The following CHLSN variants were observed in gnomAD, a reference collection of about 807,000 sequenced individuals.
CHLSN encodes cholesin.
chr7:979,436 G>C, the CHLSN span, among the ~76,000 whole-genome samples: 2 of 152,022 alleles, frequency 1.3e-5, no homozygotes, highest in Non-Finnish European at 2.9e-5. Flanking sequence ...GGCTAGGATC[G>C]TTGACCTTAT....
At chr7:1,109,450 C>A in the CHLSN span, 1 of 152,282 alleles carries the variant, frequency 6.6e-6, no homozygotes, top group Non-Finnish European at 1.5e-5. Context: ...GCCCCCCATT[C>A]CTGCGTGGTT....
chr7:1,059,499 C>G, the CHLSN span, among the ~76,000 whole-genome samples: 1 of 140,490 alleles, frequency 7.1e-6, no homozygotes, highest in South Asian at 2.1e-4. Context: ...TGGGGCGGGT[C>G]CGTAGTGGGG....
At chr7:1,108,547 A>G in the CHLSN span, among the ~76,000 whole-genome samples, 5,134 of 152,258 alleles carry the variant, frequency 0.034, 284 homozygotes, top group African/African-American at 0.12. Flanking sequence ...GGGCAGTGCA[A>G]ATCTGCCTGG....
the CHLSN span, among the ~76,000 whole-genome samples, chr7:1,017,646 T>G: frequency 6.6e-6 from 1 of 152,218 alleles, no homozygotes; most frequent in Admixed American, 6.5e-5. Flanking sequence ...GACTCAATGC[T>G]TACGAACTTT....
the CHLSN span, among the ~76,000 whole-genome samples, chr7:1,132,897 C>T: frequency 6.6e-6 from 1 of 152,042 alleles, no homozygotes; most frequent in East Asian, 1.9e-4. Flanking sequence ...GACCAACAGG[C>T]ACATGAAACA....
At chr7:987,454 C>A in the CHLSN span, 3 of 1,575,348 alleles carry the variant, frequency 1.9e-6, no homozygotes, top group Non-Finnish European at 2.6e-6. Flanking sequence ...CGAGGTGCAG[C>A]GGTTCATCAC....
At chr7:1,009,125 G>A in the CHLSN span, among the ~76,000 whole-genome samples, 6 of 152,184 alleles carry the variant, frequency 3.9e-5, no homozygotes, top group East Asian at 1.9e-4. Context: ...CAGCCACACT[G>A]GGGGTCATCT....
chr7:980,158 G>A, the CHLSN span, among the ~76,000 whole-genome samples: 2 of 152,214 alleles, frequency 1.3e-5, no homozygotes, highest in African/African-American at 2.4e-5. Flanking sequence ...CGACAGGTGC[G>A]GGCCTGAGTT....
the CHLSN span, chr7:983,059 C>G: frequency 3.1e-6 from 2 of 637,144 alleles, no homozygotes; most frequent in Non-Finnish European, 4.8e-6. Flanking sequence ...CAGCTTTAAG[C>G]CATCCGCTGG....
chr7:1,058,390 C>T, the CHLSN span: 4 of 780,570 alleles, frequency 5.1e-6, no homozygotes, highest in Admixed American at 1.7e-5. Context: ...AGCTTTGTGA[C>T]ACCACTTCTC....
the CHLSN span, among the ~76,000 whole-genome samples, chr7:1,012,061 C>T: frequency 1.3e-5 from 2 of 152,256 alleles, no homozygotes; most frequent in Admixed American, 6.5e-5. Flanking sequence ...CGCCCACAGC[C>T]GCCAACGGGG....
the CHLSN span, among the ~76,000 whole-genome samples, chr7:1,048,640 A>G: frequency 3.2e-4 from 48 of 152,214 alleles, no homozygotes; most frequent in Admixed American, 7.8e-4. Flanking sequence ...TTATTAACAG[A>G]CTGTTTGATA....
chr7:995,602 G>A, the CHLSN span, among the ~76,000 whole-genome samples: 1 of 152,242 alleles, frequency 6.6e-6, no homozygotes, highest in Non-Finnish European at 1.5e-5. Flanking sequence ...CAGCATAGGG[G>A]CCACTGAGCA....
the CHLSN span, among the ~76,000 whole-genome samples, chr7:1,077,461 C>G: frequency 0.015 from 2,346 of 152,208 alleles, 64 homozygotes; most frequent in African/African-American, 0.054. Context: ...GGCCTCAGGT[C>G]CTATTTGAAG....
chr7:1,050,881 G>A, the CHLSN span, among the ~76,000 whole-genome samples: 3 of 152,206 alleles, frequency 2.0e-5, no homozygotes, highest in Non-Finnish European at 2.9e-5. Context: ...AGGGGGTCTC[G>A]GAGAAACTCT....
At chr7:1,133,935 T>G in the CHLSN span, among the ~76,000 whole-genome samples, 12 of 151,714 alleles carry the variant, frequency 7.9e-5, no homozygotes, top group African/African-American at 2.7e-4. Flanking sequence ...GCCTCCGGAG[T>G]AGCTGGCACT....
chr7:1,013,493 C>T, the CHLSN span, among the ~76,000 whole-genome samples: 3 of 152,222 alleles, frequency 2.0e-5, no homozygotes, highest in Non-Finnish European at 4.4e-5. Flanking sequence ...CCTGCCGGCT[C>T]CAGGATTCTG....
the CHLSN span, among the ~76,000 whole-genome samples, chr7:1,008,578 T>G: frequency 6.6e-6 from 1 of 152,140 alleles, no homozygotes; most frequent in Admixed American, 6.5e-5. Context: ...ACGCTATGGC[T>G]GAGCTCATTC....
chr7:982,193 T>G, the CHLSN span, among the ~76,000 whole-genome samples: 1 of 152,160 alleles, frequency 6.6e-6, no homozygotes, highest in Non-Finnish European at 1.5e-5. Context: ...TACAGCAGGA[T>G]AGAGGTAGTG....
Sources: allele counts gnomAD v4.1 joint callset (sites outside exome capture counted in the v4.1 genomes callset), GRCh38; gene constraint gnomAD v4.1.1; transcripts MANE v1.5; gene names NCBI Gene and HGNC (gene_info 2026-07-23, HGNC 2026-07-21).